ANAPC1: variants seen among roughly 807,000 people sequenced by gnomAD.
The protein encoded by ANAPC1 is anaphase promoting complex subunit 1.
A neutral mutation model predicts 208.0 loss-of-function variants in ANAPC1; 36 were observed. That is an observed-to-expected ratio of 0.17 (90% CI 0.13 to 0.23). The LOEUF is 0.23. ANAPC1 is among the 10% of genes least tolerant of loss of function. The pLI, the probability that ANAPC1 is intolerant of heterozygous loss-of-function variation, is 1.00. For synonymous variants in ANAPC1, 378 were observed against 695.2 expected (o/e 0.54, Z 7.18); for missense variants, 942 against 2,011.6 (o/e 0.47, Z 10.17).
intron 1 of ANAPC1, among the ~76,000 whole-genome samples, chr2:111,883,479 A>G (rs1375025086): frequency 2.0e-5 from 3 of 151,798 alleles, no homozygotes. Context: ...ATACTATTAA[A>G]TTTATATGCT....
chr2:111,800,248 T>C (rs1678374406), intron 34 of ANAPC1, among the ~76,000 whole-genome samples: 1 of 146,240 alleles, frequency 6.8e-6, no homozygotes, highest in South Asian at 2.2e-4. Flanking sequence ...CTGAAAATAC[T>C]GAAAGAAACA....
At position 111,800,764 on chromosome 2, in the gene ANAPC1, AC is replaced by A. The variant is rs1054369053; in HGVS notation, c.4296+32del. ...CCATAAGAAATCATAATTTTATGCT[AC>A]TAAAGATATAATATTTATTATATGT... On this transcript the variant is annotated intron_variant, in intron 34 of 47. Coordinates refer to ENST00000341068, the MANE Select transcript of ANAPC1 (RefSeq NM_022662.4). The A allele has an allele frequency of 6.3e-6, 3 of 477,690 alleles. No homozygotes were observed. In the African/African-American group the frequency reaches 7.7e-5, roughly 12 times the overall value. 29.6% of individuals were successfully genotyped at this position (477,690 alleles called of 1,614,324 possible).
chr2:111,801,261 G>A (rs1678429451), intron 33 of ANAPC1, among the ~76,000 whole-genome samples: 1 of 150,642 alleles, frequency 6.6e-6, no homozygotes, highest in African/African-American at 2.5e-5. Context: ...GGAGGCTGAG[G>A]AACAAGAATA....
intron 3 of ANAPC1, among the ~76,000 whole-genome samples, chr2:111,876,887 G>A (rs1683051195): frequency 1.3e-5 from 2 of 151,940 alleles, no homozygotes. Context: ...TACAATAAAT[G>A]CATTAGTTCT....
intron 6 of ANAPC1, among the ~76,000 whole-genome samples, chr2:111,872,081 G>C (rs950249268): frequency 2.0e-5 from 3 of 152,076 alleles, no homozygotes; most frequent in African/African-American, 7.2e-5. Flanking sequence ...GTTCTCAGGG[G>C]GAATGCTTTC....
chr2:111,855,321 TTGAAATATTGCA>T (rs1213825207), intron 13 of ANAPC1, among the ~76,000 whole-genome samples: 2 of 152,164 alleles, frequency 1.3e-5, no homozygotes, highest in African/African-American at 4.8e-5. Flanking sequence ...ACAAAAAGGT[TTGAAATATTGCA>T]AGAATTATCA....
At chr2:111,840,520 T>C (rs1175793942) in intron 17 of ANAPC1, among the ~76,000 whole-genome samples, 1 of 152,080 alleles carries the variant, frequency 6.6e-6, no homozygotes, top group Non-Finnish European at 1.5e-5. Flanking sequence ...AGGTGCTCAG[T>C]CCTCCCCAAA....
In ANAPC1 at chr2:111,834,780, T is replaced by C. The variant is rs1457046296; in HGVS notation, c.2208A>G (p.Ser736=). 6.2e-7 allele frequency: 1 copy of C among 1,613,140 alleles called. No individual in the cohort carries two copies. The highest frequency in any genetic ancestry group is 8.5e-7 in the Non-Finnish European group (1 of 1,179,686). Residue 736 remains serine (S), a synonymous_variant, in exon 19 of 48, where the codon TCA becomes TCG. Transcript: ENST00000341068. ...GTGAAAAATCCTCATCCTTCATCTG[T>C]GAAGCTTCTGAAGGACTCAGACATA... ...RSLCLSPSEA[S]QMKDEDFSQN... is the part of the protein sequence containing the mutation.
rs565547819 is a variant in ANAPC1 at position 111,881,549 on chromosome 2, CTAAT to C, written c.-24-704_-24-701del. On this transcript the variant is annotated intron_variant, in intron 1 of 47. Transcript: ENST00000341068. ...TAATTAATTATTACATCTAATTAAT[CTAAT>C]TATTAATCTATTACAGTACAGTTTA... Among the ~76,000 whole-genome samples the C allele has an allele frequency of 4.4e-3, 664 of 152,214 alleles. 4 individuals are homozygous for C. The highest frequency in any genetic ancestry group is 0.013 in the African/African-American group (523 of 41,528).
intron 16 of ANAPC1, among the ~76,000 whole-genome samples, chr2:111,846,560 T>TATATATATATA (rs1491102595): frequency 2.7e-5 from 1 of 37,426 alleles, no homozygotes; most frequent in African/African-American, 8.6e-5. Context: ...TATATATATA[T>TATATATATATA]TTTTTTTTTT....
chr2:111,792,228 C>T (rs1488866059), intron 38 of ANAPC1, 134 bp downstream of exon 38: 8 of 604,074 alleles, frequency 1.3e-5, no homozygotes, highest in African/African-American at 3.9e-5. Flanking sequence ...CCCATCAAGT[C>T]GAATAATGCT....
At chr2:111,846,018 T>C (rs919616128) in intron 16 of ANAPC1, among the ~76,000 whole-genome samples, 1 of 149,086 alleles carries the variant, frequency 6.7e-6, no homozygotes, top group African/African-American at 2.5e-5. Context: ...AGGCAAGGAA[T>C]CTCTATATCA....
In ANAPC1 at chr2:111,792,524, C is replaced by A. The variant is rs752971771; in HGVS notation, c.4550G>T (p.Ser1517Ile). The change falls in exon 38 of 48, where the codon AGC (serine) becomes ATC (isoleucine). Residue 1517 changes from serine (S) to isoleucine (I), a missense_variant. Transcript: ENST00000341068. The part of the protein sequence containing the change: ...TGPHNLETCL[S>I]VVLLSLAMVM... ...CATGGCGAGAGACAGCAGCACCACG[C>A]TCAGACAAGTTTCTAGGTTATGAGG... 3.1e-6 allele frequency: 5 copies of A among 1,613,938 alleles called. No individual in the cohort carries two copies. The highest frequency in any genetic ancestry group is 4.5e-5 in the East Asian group (2 of 44,894).
rs549459838 is a variant in ANAPC1 at position 111,795,277 on chromosome 2, G to C, written c.4297-383C>G. 3.9e-5 allele frequency among the ~76,000 whole-genome samples: 6 copies of C among 152,106 alleles called. No individual in the cohort carries two copies. In the South Asian group the frequency reaches 1.2e-3, roughly 32 times the overall value. On this transcript the variant is annotated intron_variant, in intron 34 of 47. Transcript: ENST00000341068. ...CACGCCTGTAATCCCAGCTACTTAGGAGGCTGAGGCAGTAGAATCACTTGA... is the reference window on the plus strand; with the variant it reads ...CACGCCTGTAATCCCAGCTACTTAGCAGGCTGAGGCAGTAGAATCACTTGA...
intron 29 of ANAPC1, among the ~76,000 whole-genome samples, chr2:111,807,797 C>A (rs1359037882): frequency 6.6e-6 from 1 of 150,986 alleles, no homozygotes; most frequent in Non-Finnish European, 1.5e-5. Flanking sequence ...AAGAGGTATG[C>A]CGCAGCTGTG....
chr2:111,792,577 T>C, intron 37 of ANAPC1, 22 bp from the exon 38 acceptor site: 8 of 1,605,486 alleles, frequency 5.0e-6, no homozygotes, highest in Non-Finnish European at 6.8e-6. Context: ...AGAGATGACA[T>C]CACTGTAACT....
intron 1 of ANAPC1, among the ~76,000 whole-genome samples, chr2:111,881,064 T>C (rs534270998): frequency 3.6e-4 from 54 of 151,424 alleles, no homozygotes; most frequent in African/African-American, 1.3e-3. Context: ...GTTACCACTA[T>C]AGGAAACCAC....
At chr2:111,778,489 C>A (rs1426566195) in intron 45 of ANAPC1, among the ~76,000 whole-genome samples, 186 bp downstream of exon 45, 1,559 of 136,884 alleles carry the variant, frequency 0.011, no homozygotes, top group African/African-American at 0.017. Flanking sequence ...CTCCTGTCAA[C>A]ATAAAGCCCA....
intron 14 of ANAPC1, among the ~76,000 whole-genome samples, chr2:111,848,939 C>T (rs1681239941): frequency 6.6e-6 from 1 of 152,178 alleles, no homozygotes. Flanking sequence ...TATTTATTTG[C>T]TTAACTGCAG....
Sources: gnomAD v4.1 joint callset for allele counts (sites outside exome capture counted in the v4.1 genomes callset) on GRCh38, gnomAD v4.1.1 for gene constraint, MANE v1.5 for transcripts, NCBI Gene and HGNC (gene_info 2026-07-23, HGNC 2026-07-21) for gene names.